SUN2: variants seen among roughly 807,000 people sequenced by gnomAD.
SUN2 encodes the protein Sad1 and UNC84 domain containing 2.
Under a neutral mutation model 100.0 loss-of-function variants are expected in SUN2, and 60 were observed. The observed-to-expected ratio is 0.60, with a 90% CI of 0.49 to 0.74. The LOEUF is 0.74. SUN2 is among the 30% of genes least tolerant of loss of function. SUN2 has a pLI of 0.00. For missense variants in SUN2, 834 were observed against 954.6 expected (o/e 0.87, Z 1.66); for synonymous variants, 367 against 403.3 (o/e 0.91, Z 1.08).
Position 38,738,058 on chromosome 22 carries a change from G to A in SUN2, c.2040+115C>T, listed in dbSNP as rs765806208. The A allele has an allele frequency of 1.1e-6, 1 of 921,194 alleles. No homozygotes were observed. The highest frequency in any genetic ancestry group is 1.8e-6 in the Non-Finnish European group (1 of 554,176). 57.1% of individuals were successfully genotyped at this position (921,194 alleles called of 1,614,324 possible). ...TATCACATCTTGAGCTGTGGGAAAG[G>A]AGAGCAGGGCTTCCCTCTCTGAACC... On this transcript the variant is annotated intron_variant, in intron 17 of 17. Transcript: ENST00000689035. The surrounding 1 kb of genome is among the most constrained non-coding windows in gnomAD (Gnocchi z 6.6).
intron 8 of SUN2, 200 bp from the exon 9 acceptor site, chr22:38,742,755 A>T: frequency 1.6e-6 from 1 of 628,394 alleles, no homozygotes; most frequent in Non-Finnish European, 2.7e-6. Context: ...GCCAGGGATC[A>T]CTGGGTGCCG....
At chr22:38,753,682 A>C (rs996252731) in intron 1 of SUN2, among the ~76,000 whole-genome samples, 1 of 152,126 alleles carries the variant, frequency 6.6e-6, no homozygotes, top group South Asian at 2.1e-4. Context: ...GTCTGCTGGG[A>C]CCGGGCTCCT....
chr22:38,739,305 C>T lies in SUN2; in HGVS notation c.1663+37G>A, dbSNP rs1488519446. 1 of 1,607,732 alleles carries T rather than the reference C, an allele frequency of 6.2e-7. No individual in the cohort carries two copies. The highest frequency in any genetic ancestry group is 8.5e-7 in the Non-Finnish European group (1 of 1,175,308). On this transcript the variant is annotated intron_variant, in intron 14 of 17. Transcript: ENST00000689035. The surrounding 1 kb of genome is among the most constrained non-coding windows in gnomAD (Gnocchi z 6.7). ...GCCAGGGGACCGGCCATTGCGGGGTCCAGGACAAGGCAGAGCGAGGAAAGC... is the reference window on the plus strand; with the variant it reads ...GCCAGGGGACCGGCCATTGCGGGGTTCAGGACAAGGCAGAGCGAGGAAAGC...
chr22:38,746,928 G>A (rs551554219), intron 7 of SUN2, among the ~76,000 whole-genome samples: 1 of 152,236 alleles, frequency 6.6e-6, no homozygotes, highest in Admixed American at 6.5e-5. Flanking sequence ...CAGCTACTCG[G>A]GAGGCTGAGG....
At chr22:38,753,498 G>C (rs1380540857) in intron 1 of SUN2, among the ~76,000 whole-genome samples, 1 of 152,116 alleles carries the variant, frequency 6.6e-6, no homozygotes, top group African/African-American at 2.4e-5. Flanking sequence ...TTACAGGCAT[G>C]AGCCACCACG....
At chr22:38,743,308 G>A (rs1024777392) in intron 8 of SUN2, among the ~76,000 whole-genome samples, 3 of 152,188 alleles carry the variant, frequency 2.0e-5, no homozygotes, top group Admixed American at 1.3e-4. Flanking sequence ...ACAAACAGGC[G>A]GGACGTGGTG....
intron 5 of SUN2, 46 bp downstream of exon 5, chr22:38,750,179 C>T (rs544140477): frequency 8.8e-6 from 14 of 1,594,232 alleles, no homozygotes; most frequent in African/African-American, 1.3e-5. Context: ...GGTAAGAAAG[C>T]ACTATCACCA....
intron 2 of SUN2, among the ~76,000 whole-genome samples, chr22:38,751,662 G>T (rs557713313): frequency 8.5e-5 from 13 of 152,358 alleles, no homozygotes; most frequent in African/African-American, 3.1e-4. Flanking sequence ...TGGCCTCAGA[G>T]CTAGCCAAAG....
At position 38,739,086 on chromosome 22, in the gene SUN2, C is replaced by T; in HGVS notation, c.1664-98G>A. On this transcript the variant is annotated intron_variant, in intron 14 of 17. Transcript: ENST00000689035. The surrounding 1 kb of genome is among the most constrained non-coding windows in gnomAD (Gnocchi z 6.7). The stretch of plus-strand genomic sequence containing the variant: ...CTCGCTGAAGGTGGACGGCAGATGC[C>T]CCAGGCCTAGCCTTTAACCCTAACC... 1 of 1,245,312 alleles carries T rather than the reference C, an allele frequency of 8.0e-7. No individual in the cohort carries two copies. Among genetic ancestry groups the T allele is most frequent in the Non-Finnish European group, 1.1e-6 (1 of 872,128 alleles). 77.1% of individuals were successfully genotyped at this position (1,245,312 alleles called of 1,614,324 possible).
intron 3 of SUN2, 48 bp downstream of exon 3, chr22:38,751,162 C>A: frequency 6.2e-7 from 1 of 1,603,766 alleles, no homozygotes; most frequent in Non-Finnish European, 8.5e-7. Context: ...GAGTATCTCG[C>A]GGGAGGCCGA....
At position 38,739,833 on chromosome 22, in the gene SUN2, C is replaced by T. The variant is rs148038201; in HGVS notation, c.1467G>A (p.Glu489=). 1 of 1,613,506 alleles carries T rather than the reference C, an allele frequency of 6.2e-7. No individual in the cohort carries two copies. The highest frequency in any genetic ancestry group is 8.5e-7 in the Non-Finnish European group (1 of 1,180,032). ...CTGCCACATGGGTGAGGATCTTGCTCTCCAGCTCTCGCAGCTGAGCTTGCA... is the reference window on the plus strand; with the variant it reads ...CTGCCACATGGGTGAGGATCTTGCTTTCCAGCTCTCGCAGCTGAGCTTGCA... ...EEMQAQLREL[E]SKILTHVAEM... is the part of the protein sequence containing the mutation. Residue 489 remains glutamate (E), a synonymous_variant, in exon 13 of 18, where the codon GAG becomes GAA. Transcript: ENST00000689035. This position sits in a 1 kb window ranked among gnomAD's most constrained non-coding sequence, Gnocchi z 6.7.
chr22:38,741,175 G>T, intron 10 of SUN2, 125 bp from the exon 11 acceptor site: 1 of 1,095,134 alleles, frequency 9.1e-7, no homozygotes, highest in Non-Finnish European at 1.4e-6. Flanking sequence ...CTTGACCCCT[G>T]CAGCAAAAAT....
intron 1 of SUN2, chr22:38,754,994 A>G (rs2092974902): frequency 4.7e-6 from 6 of 1,283,546 alleles, no homozygotes; most frequent in Admixed American, 2.3e-5. Flanking sequence ...ACTGCGAATC[A>G]TAATAGACAC....
At chr22:38,736,504 C>T in intron 17 of SUN2, 124 bp from the exon 18 acceptor site, 1 of 710,236 alleles carries the variant, frequency 1.4e-6, no homozygotes, top group South Asian at 2.1e-5. Context: ...CCCTGGGGCT[C>T]TGAAGAGAAC....
Position 38,755,600 on chromosome 22 carries a change from G to A in SUN2, c.-38+163C>T. ...GGGCGGGGGCCAGGAGGTGAGTCAG[G>A]GCGCGGGCCGCGGACCCGGGTGGAG... On this transcript the variant is annotated intron_variant, in intron 1 of 17. Transcript: ENST00000689035. This position sits in a 1 kb window ranked among gnomAD's most constrained non-coding sequence, Gnocchi z 5.7. The A allele has an allele frequency of 1.1e-6, 1 of 943,420 alleles. No homozygotes were observed. Among genetic ancestry groups the A allele is most frequent in the Non-Finnish European group, 1.3e-6 (1 of 791,450 alleles). 58.4% of individuals were successfully genotyped at this position (943,420 alleles called of 1,614,324 possible).
In SUN2 at chr22:38,739,753, TGCAGC is replaced by T. The variant is rs1461184517; in HGVS notation, c.1542_1546del (p.Leu515GlufsTer25). ...TGTCACTCCAATCACACCTTCTTTC[TGCAGC>T]GTCAGGCTCAGGGAGGCCGCGGCTT... On this transcript the variant is annotated frameshift_variant, in exon 13 of 18. Transcript: ENST00000689035. LOFTEE classifies it high-confidence loss of function. The surrounding 1 kb of genome is among the most constrained non-coding windows in gnomAD (Gnocchi z 6.7). 1 of 1,613,584 alleles carries T rather than the reference TGCAGC, an allele frequency of 6.2e-7. No individual in the cohort carries two copies. Among genetic ancestry groups the T allele is most frequent in the Non-Finnish European group, 8.5e-7 (1 of 1,180,012 alleles).
Position 38,736,318 on chromosome 22 carries a change from G to A in SUN2, c.2103C>T (p.Pro701=), listed in dbSNP as rs748074497. The A allele has an allele frequency of 5.6e-6, 9 of 1,613,876 alleles. No individual in the cohort carries two copies. Among genetic ancestry groups the A allele is most frequent in the Middle Eastern group, 1.6e-4 (1 of 6,080 alleles). Residue 701 remains proline (P), a synonymous_variant, in exon 18 of 18, where the codon CCC becomes CCT. Coordinates refer to ENST00000689035, the MANE Select transcript of SUN2 (RefSeq NM_015374.3). ...TGAAGCGGTAGATGCAGGTGTACTC[G>A]GGGTGGCCCCAGTTAGTCAGGATCC... ...ELRILTNWGH[P]EYTCIYRFRV... is the part of the protein sequence containing the mutation.
At position 38,738,148 on chromosome 22, in the gene SUN2, C is replaced by T; in HGVS notation, c.2040+25G>A. ...CCTGGATGGGGAGTCTGCGCCACTT[C>T]TGCTAGCACAGCAGCATCCCGTACC... On this transcript the variant is annotated intron_variant, in intron 17 of 17. Transcript: ENST00000689035. This position sits in a 1 kb window ranked among gnomAD's most constrained non-coding sequence, Gnocchi z 6.6. 6.2e-7 allele frequency: 1 copy of T among 1,609,870 alleles called. No individual in the cohort carries two copies. Among genetic ancestry groups the T allele is most frequent in the Non-Finnish European group, 8.5e-7 (1 of 1,176,422 alleles).
rs867249689 is a variant in SUN2 at position 38,739,377 on chromosome 22, C to T, written c.1628G>A (p.Arg543His). 13 of 1,613,020 alleles carry T rather than the reference C, an allele frequency of 8.1e-6. No individual in the cohort carries two copies. The Middle Eastern group carries it at 9.9e-4, about 122-fold the overall frequency. The change falls in exon 14 of 18, where the codon CGC (arginine) becomes CAC (histidine). Residue 543 changes from arginine (R) to histidine (H), a missense_variant. Transcript: ENST00000689035. This position sits in a 1 kb window ranked among gnomAD's most constrained non-coding sequence, Gnocchi z 6.7. The part of the protein sequence containing the change: ...KQALQRYSED[R>H]IGLADYALES... ...CAGGGCGTAGTCTGCCAGCCCGATGCGGTCCTCACTGTAGCGCTGCAGGGC... is the reference window on the plus strand; with the variant it reads ...CAGGGCGTAGTCTGCCAGCCCGATGTGGTCCTCACTGTAGCGCTGCAGGGC...
Sources: allele counts gnomAD v4.1 joint callset (sites outside exome capture counted in the v4.1 genomes callset), GRCh38; gene constraint gnomAD v4.1.1; non-coding constraint Gnocchi (gnomAD v3.1); transcripts MANE v1.5; gene names NCBI Gene and HGNC (gene_info 2026-07-23, HGNC 2026-07-21).